Variants in CACNA2D3 observed in about 807,000 individuals in gnomAD.
CACNA2D3 encodes calcium voltage-gated channel auxiliary subunit alpha2delta 3.
In CACNA2D3, 60 loss-of-function variants were observed where a neutral mutation model predicts 160.6. That is an observed-to-expected ratio of 0.37 (90% confidence interval 0.30 to 0.46). The LOEUF (loss-of-function observed/expected upper bound fraction) is 0.46. CACNA2D3 is among the 20% of genes least tolerant of loss of function. The probability of loss-of-function intolerance (pLI) is 1.00; values close to 1 mark genes in which losing one functional copy is unlikely to be tolerated. For missense variants in CACNA2D3, 1,205 were observed against 1,365.0 expected (o/e 0.88, Z 1.85); for synonymous variants, 558 against 492.9 (o/e 1.13, Z -1.75).
chr3:54,401,795 G>A (rs921870759), intron 4 of CACNA2D3, among the ~76,000 whole-genome samples: 4 of 152,100 alleles, frequency 2.6e-5, no homozygotes, highest in Non-Finnish European at 4.4e-5. Flanking sequence ...AATTACTAAT[G>A]TAACAACATA....
chr3:54,457,027 T>C (rs186388983), intron 4 of CACNA2D3, among the ~76,000 whole-genome samples: 2 of 152,086 alleles, frequency 1.3e-5, no homozygotes, highest in Non-Finnish European at 2.9e-5. Flanking sequence ...TGTTTATCTT[T>C]TCAAAAAGCC....
chr3:54,323,888 T>G lies in CACNA2D3; in HGVS notation c.321+3330T>G, dbSNP rs533644568. The stretch of plus-strand genomic sequence containing the variant: ...GCCCCCATCCCCCTCCCCCAGCAGT[T>G]GGAGTTGGGTCCCAGGTTCAGGTGC... On this transcript the variant is annotated intron_variant, in intron 3 of 37. Transcript: ENST00000474759. Among the ~76,000 whole-genome samples, 4 of 152,284 alleles carry G rather than the reference T, an allele frequency of 2.6e-5. No homozygotes were observed. The South Asian group carries it at 8.3e-4, about 32-fold the overall frequency.
chr3:54,921,745 T>A (rs1700857443), intron 27 of CACNA2D3, among the ~76,000 whole-genome samples: 1 of 152,144 alleles, frequency 6.6e-6, no homozygotes, highest in African/African-American at 2.4e-5. Context: ...TCGAGGGGTC[T>A]TATGTCCCTA....
At chr3:54,452,307 AC>A (rs1250592655) in intron 4 of CACNA2D3, among the ~76,000 whole-genome samples, 1 of 151,986 alleles carries the variant, frequency 6.6e-6, no homozygotes, top group Non-Finnish European at 1.5e-5. Flanking sequence ...CATGAGACTT[AC>A]TCACTGCCAT....
chr3:54,703,248 A>C (rs1700798130), intron 11 of CACNA2D3, among the ~76,000 whole-genome samples: 1 of 152,176 alleles, frequency 6.6e-6, no homozygotes, highest in Admixed American at 6.5e-5. Flanking sequence ...TGGAAGAAAA[A>C]AAAAGGATAA....
rs575229945 is a variant in CACNA2D3, at chr3:54,134,440, G to A, written c.204+10846G>A. On this transcript the variant is annotated intron_variant, in intron 2 of 37. Coordinates refer to ENST00000474759, the MANE Select transcript of CACNA2D3 (RefSeq NM_018398.3). ...TTGTTTGTATGTGGCCAGCACGAAGGTACAGATAAACAAAGGGAGGAATAG... is the reference window on the plus strand; with the variant it reads ...TTGTTTGTATGTGGCCAGCACGAAGATACAGATAAACAAAGGGAGGAATAG... Among the ~76,000 whole-genome samples the A allele has an allele frequency of 3.0e-4, 46 of 152,268 alleles. 1 individual carries two copies. Among genetic ancestry groups the A allele is most frequent in the Admixed American group, 2.6e-3 (40 of 15,294 alleles).
intron 12 of CACNA2D3, among the ~76,000 whole-genome samples, chr3:54,754,380 G>C (rs1016600531): frequency 2.6e-5 from 4 of 151,926 alleles, no homozygotes; most frequent in African/African-American, 9.7e-5. Context: ...CTACAGAGCA[G>C]AGGTAGTGAC....
At chr3:54,233,256 C>T (rs1000230052) in intron 2 of CACNA2D3, among the ~76,000 whole-genome samples, 2 of 152,196 alleles carry the variant, frequency 1.3e-5, no homozygotes, top group Non-Finnish European at 2.9e-5. Flanking sequence ...CATTTACTCT[C>T]GTATCACCAG....
chr3:54,866,952 A>G (rs1699414329), intron 17 of CACNA2D3, among the ~76,000 whole-genome samples: 1 of 151,608 alleles, frequency 6.6e-6, no homozygotes, highest in South Asian at 2.1e-4. Flanking sequence ...TCCTTATTAA[A>G]CTCTCCCCCA....
At chr3:54,200,358 G>C (rs1701156567) in intron 2 of CACNA2D3, among the ~76,000 whole-genome samples, 1 of 152,216 alleles carries the variant, frequency 6.6e-6, no homozygotes, top group African/African-American at 2.4e-5. Context: ...AGCTGTTCCA[G>C]AGCAGAAATA....
intron 11 of CACNA2D3, among the ~76,000 whole-genome samples, chr3:54,668,521 G>T (rs1700107348): frequency 6.6e-6 from 1 of 152,240 alleles, no homozygotes; most frequent in Non-Finnish European, 1.5e-5. Flanking sequence ...GTTTACACAG[G>T]CTTATTGCTC....
intron 14 of CACNA2D3, among the ~76,000 whole-genome samples, chr3:54,835,679 C>A (rs11720287): frequency 0.11 from 16,878 of 152,148 alleles, 1,007 homozygotes; most frequent in South Asian, 0.2. Flanking sequence ...TCAGAAAACA[C>A]GCTAGGTTGA....
intron 4 of CACNA2D3, 27 bp downstream of exon 4, chr3:54,386,801 T>G: frequency 6.4e-7 from 1 of 1,557,492 alleles, no homozygotes; most frequent in South Asian, 1.2e-5. Context: ...TGAGTTAAAT[T>G]GTTTTGTGTG....
intron 3 of CACNA2D3, chr3:54,386,087 G>A (rs114288882): frequency 1.5e-5 from 6 of 392,958 alleles, no homozygotes; most frequent in Admixed American, 3.4e-5. Context: ...GTTGAATTTC[G>A]CTGGCTGAGA....
chr3:54,968,315 T>A, intron 27 of CACNA2D3, 135 bp from the exon 28 acceptor site: 1 of 630,310 alleles, frequency 1.6e-6, no homozygotes, highest in Non-Finnish European at 2.8e-6. Flanking sequence ...AATGTTTTAG[T>A]TGTATGCTTC....
intron 2 of CACNA2D3, among the ~76,000 whole-genome samples, chr3:54,130,371 A>G (rs1699683871): frequency 6.6e-6 from 1 of 152,150 alleles, no homozygotes; most frequent in African/African-American, 2.4e-5. Context: ...ATCTTTGGAG[A>G]TGCTGTGTTG....
intron 2 of CACNA2D3, among the ~76,000 whole-genome samples, chr3:54,313,938 G>A (rs781223431): frequency 4.4e-5 from 6 of 137,592 alleles, no homozygotes; most frequent in Non-Finnish European, 8.3e-5. Flanking sequence ...AACAGGTAGT[G>A]TTTGGTTACA....
intron 13 of CACNA2D3, among the ~76,000 whole-genome samples, chr3:54,800,548 A>T (rs1702961707): frequency 6.6e-6 from 1 of 152,214 alleles, no homozygotes; most frequent in Non-Finnish European, 1.5e-5. Flanking sequence ...AATTGTGAGA[A>T]TTTTCAGGAC....
chr3:54,715,323 G>C (rs1320667971), intron 11 of CACNA2D3, among the ~76,000 whole-genome samples: 6 of 152,162 alleles, frequency 3.9e-5, no homozygotes. Context: ...GGCAAGGTAT[G>C]GGAGAAGGGG....
Sources: gnomAD v4.1 joint callset for allele counts (sites outside exome capture counted in the v4.1 genomes callset) on GRCh38, gnomAD v4.1.1 for gene constraint, MANE v1.5 for transcripts, NCBI Gene and HGNC (gene_info 2026-07-23, HGNC 2026-07-21) for gene names.